OSBPL5: variants seen among roughly 807,000 people sequenced by gnomAD.
OSBPL5 encodes the protein oxysterol-binding protein-related protein 5.
Under a neutral mutation model 111.2 loss-of-function variants are expected in OSBPL5, and 71 were observed. That is an observed-to-expected ratio of 0.64 (90% confidence interval 0.53 to 0.78). The LOEUF is 0.78. OSBPL5 is among the 30% of genes least tolerant of loss of function. OSBPL5 has a pLI of 0.00. For synonymous variants in OSBPL5, 549 were observed against 513.9 expected, an observed-to-expected ratio of 1.07 and a Z score of -0.93; for missense variants, 1,210 against 1,189.3, an observed-to-expected ratio of 1.02 and a Z score of -0.26.
In OSBPL5 at chr11:3,097,924, T is replaced by C. The variant is rs558793583; in HGVS notation, c.1621+2234A>G. On this transcript the variant is annotated intron_variant, in intron 14 of 21. Coordinates refer to ENST00000263650, the MANE Select transcript of OSBPL5 (RefSeq NM_020896.4). ...TCTACTAAAAATACAAAAAATTTGCTGGGCGTGGTGGCGGGCGCCTGTAGT... is the reference window on the plus strand; with the variant it reads ...TCTACTAAAAATACAAAAAATTTGCCGGGCGTGGTGGCGGGCGCCTGTAGT... Among the ~76,000 whole-genome samples the C allele has an allele frequency of 1.9e-3, 288 of 152,088 alleles. 3 individuals carry two copies. Among genetic ancestry groups the C allele is most frequent in the Non-Finnish European group, 2.9e-3 (197 of 67,966 alleles).
Position 3,120,873 on chromosome 11 carries a change from T to C in OSBPL5, c.403-249A>G, listed in dbSNP as rs1046926546. Among the ~76,000 whole-genome samples the C allele has an allele frequency of 1.4e-3, 215 of 152,132 alleles. 1 individual carries two copies. The highest frequency in any genetic ancestry group is 5.0e-3 in the African/African-American group (208 of 41,516). On this transcript the variant is annotated intron_variant, in intron 5 of 21. Coordinates refer to ENST00000263650, the MANE Select transcript of OSBPL5 (RefSeq NM_020896.4). ...GCAAGCGGTGCCCCAGGACTCAGAG[T>C]GGAACTCAGGGCAGGGTCCTTGTTC...
At chr11:3,127,545 G>C (rs1190565075) in intron 2 of OSBPL5, among the ~76,000 whole-genome samples, 1 of 152,236 alleles carries the variant, frequency 6.6e-6, no homozygotes, top group Non-Finnish European at 1.5e-5. Flanking sequence ...CTGGCCGGCA[G>C]TGGCTGCTCC....
intron 12 of OSBPL5, among the ~76,000 whole-genome samples, chr11:3,101,972 G>A (rs1164965541): frequency 6.6e-6 from 1 of 152,226 alleles, no homozygotes; most frequent in African/African-American, 2.4e-5. Context: ...ACTGTCTGCT[G>A]TCACAGTCAT....
intron 1 of OSBPL5, among the ~76,000 whole-genome samples, chr11:3,158,411 C>G (rs1409317170): frequency 6.6e-6 from 1 of 152,254 alleles, no homozygotes; most frequent in Non-Finnish European, 1.5e-5. Context: ...CTCTTGGTGC[C>G]CACACTGGCA....
intron 1 of OSBPL5, among the ~76,000 whole-genome samples, chr11:3,131,575 C>T (rs1564849857): frequency 2.8e-5 from 4 of 141,402 alleles, no homozygotes; most frequent in African/African-American, 1.1e-4. Flanking sequence ...ATCCATCCAT[C>T]CATCCATCCA....
At chr11:3,093,886 C>CT in intron 15 of OSBPL5, 51 bp from the exon 16 acceptor site, 1 of 1,565,142 alleles carries the variant, frequency 6.4e-7, no homozygotes, top group Non-Finnish European at 8.6e-7. Context: ...CTGGGGCCTC[C>CT]AGAATCACAT....
At chr11:3,132,912 T>A (rs1845851098) in intron 1 of OSBPL5, among the ~76,000 whole-genome samples, 1 of 152,194 alleles carries the variant, frequency 6.6e-6, no homozygotes, top group Non-Finnish European at 1.5e-5. Context: ...GTGTTTGGAT[T>A]CACACAGGCT....
At chr11:3,139,702 C>T (rs1323422710) in intron 1 of OSBPL5, among the ~76,000 whole-genome samples, 1 of 152,184 alleles carries the variant, frequency 6.6e-6, no homozygotes, top group African/African-American at 2.4e-5. Flanking sequence ...ATCCAGCCTC[C>T]CCTCCTCTCT....
intron 1 of OSBPL5, among the ~76,000 whole-genome samples, chr11:3,152,273 C>T (rs1274678286): frequency 6.6e-6 from 1 of 152,204 alleles, no homozygotes; most frequent in East Asian, 1.9e-4. Flanking sequence ...TGCAGTTTAT[C>T]ACAGGTGACG....
intron 1 of OSBPL5, among the ~76,000 whole-genome samples, chr11:3,135,404 G>C (rs934753270): frequency 6.6e-6 from 1 of 152,234 alleles, no homozygotes; most frequent in African/African-American, 2.4e-5. Context: ...CGTTCTGGAG[G>C]GCCAGAGAGT....
chr11:3,103,739 TCTGCA>T (rs1857551965), intron 10 of OSBPL5, among the ~76,000 whole-genome samples: 7 of 47,848 alleles, frequency 1.5e-4, no homozygotes, highest in Admixed American at 2.5e-4. Flanking sequence ...CCTTCCTGCC[TCTGCA>T]ACCCTCTTCC....
intron 7 of OSBPL5, among the ~76,000 whole-genome samples, chr11:3,115,306 T>A (rs999552711): frequency 7.9e-5 from 12 of 152,356 alleles, no homozygotes; most frequent in African/African-American, 2.4e-4. Context: ...AAATTTTTTT[T>A]AAATCAAGGT....
chr11:3,098,495 A>ATTTTTTTTTTTTTTTTT (rs552382553), intron 14 of OSBPL5, among the ~76,000 whole-genome samples: 4 of 81,194 alleles, frequency 4.9e-5, no homozygotes, highest in African/African-American at 1.3e-4. Context: ...ACATGAAGGA[A>ATTTTTTTTTTTTTTTTT]TTTTTTTTTT....
intron 7 of OSBPL5, among the ~76,000 whole-genome samples, chr11:3,118,645 C>T (rs1433245642): frequency 6.8e-6 from 1 of 146,756 alleles, no homozygotes; most frequent in Non-Finnish European, 1.5e-5. Context: ...GATCTTGGCT[C>T]ACTGCAAACT....
Position 3,154,731 on chromosome 11 carries a change from TG to T in OSBPL5, c.-22+10484del, listed in dbSNP as rs1846699648. On this transcript the variant is annotated intron_variant, in intron 1 of 21. Coordinates refer to ENST00000263650, the MANE Select transcript of OSBPL5 (RefSeq NM_020896.4). The surrounding 1 kb of genome is among the most constrained non-coding windows in gnomAD (Gnocchi z 4.9). ...GCTAAATGTGTCCCCTCAATCCATG[TG>T]TTGATGTCTCAGCCCCTAGGACCTG... Among the ~76,000 whole-genome samples the T allele has an allele frequency of 6.6e-6, 1 of 152,076 alleles. No homozygotes were observed. Among genetic ancestry groups the T allele is most frequent in the Non-Finnish European group, 1.5e-5 (1 of 68,022 alleles).
intron 7 of OSBPL5, among the ~76,000 whole-genome samples, chr11:3,112,187 G>C (rs1305982230): frequency 6.6e-6 from 1 of 152,110 alleles, no homozygotes; most frequent in African/African-American, 2.4e-5. Context: ...TTTCTCCTAG[G>C]ACCTTGTCTT....
chr11:3,155,698 T>C (rs58407804), intron 1 of OSBPL5, among the ~76,000 whole-genome samples: 30,275 of 151,410 alleles, frequency 0.2, 3,107 homozygotes, highest in African/African-American at 0.23. Flanking sequence ...CACTCATGTC[T>C]GAAGTGGCCG....
intron 1 of OSBPL5, among the ~76,000 whole-genome samples, chr11:3,136,128 C>T (rs1845942448): frequency 6.6e-6 from 1 of 152,194 alleles, no homozygotes; most frequent in Non-Finnish European, 1.5e-5. Flanking sequence ...CTCTGGACAC[C>T]TGGGGAGGGG....
chr11:3,087,570 G>C lies in OSBPL5; in HGVS notation c.*635C>G, dbSNP rs1460580885. 2 of 153,060 alleles carry C rather than the reference G, an allele frequency of 1.3e-5. No individual in the cohort carries two copies. Among genetic ancestry groups the C allele is most frequent in the Admixed American group, 6.5e-5 (1 of 15,298 alleles). 9.5% of individuals were successfully genotyped at this position (153,060 alleles called of 1,614,324 possible). On this transcript the variant is annotated 3_prime_UTR_variant, in exon 22 of 22. Transcript: ENST00000263650. Reference sequence around the variant, plus strand: ...CCTCCACCTGCGTGTGCCCCCACCAGAGCGAGCGTCCAGGTGTGGGGGTGG... The same window carrying C: ...CCTCCACCTGCGTGTGCCCCCACCACAGCGAGCGTCCAGGTGTGGGGGTGG...
Sources: gnomAD v4.1 joint callset for allele counts (sites outside exome capture counted in the v4.1 genomes callset) on GRCh38, gnomAD v4.1.1 for gene constraint, Gnocchi (gnomAD v3.1) non-coding constraint, MANE v1.5 for transcripts, NCBI Gene and HGNC (gene_info 2026-07-23, HGNC 2026-07-21) for gene names.